HNRNPF: variants seen among roughly 807,000 people sequenced by gnomAD.
HNRNPF encodes heterogeneous nuclear ribonucleoprotein F, also known as HnRNP F protein.
In HNRNPF, 2 loss-of-function variants were observed where a neutral mutation model predicts 26.0. The ratio of observed to expected loss-of-function variants is 0.08; its 90% CI spans 0.03 to 0.24. The LOEUF (loss-of-function observed/expected upper bound fraction) is 0.24. Ranked by LOEUF, HNRNPF falls within the 10% of genes least tolerant of loss-of-function variation. HNRNPF has a pLI of 1.00. For missense variants in HNRNPF, 299 were observed against 539.2 expected (o/e 0.55, Z 4.41); for synonymous variants, 234 against 211.5 (o/e 1.11, Z -0.92).
At chr10:43,398,891 A>T (rs7084706) in intron 1 of HNRNPF, among the ~76,000 whole-genome samples, 28,814 of 152,178 alleles carry the variant, frequency 0.19, 2,968 homozygotes, top group African/African-American at 0.22. Flanking sequence ...ATTACAGGGA[A>T]CAGTAACATA....
intron 3 of HNRNPF, among the ~76,000 whole-genome samples, chr10:43,389,040 G>A (rs1206479518): frequency 2.7e-5 from 4 of 147,022 alleles, no homozygotes; most frequent in Non-Finnish European, 3.0e-5. Flanking sequence ...GTGCTGTCTC[G>A]GCTCACTGCA....
intron 3 of HNRNPF, among the ~76,000 whole-genome samples, chr10:43,388,994 CAA>C (rs1681608105): frequency 8.3e-6 from 1 of 120,400 alleles, no homozygotes; most frequent in African/African-American, 3.3e-5. Flanking sequence ...TTTTTTGAGA[CAA>C]GAGTCTCACT....
At chr10:43,399,005 T>C (rs1318191656) in intron 1 of HNRNPF, among the ~76,000 whole-genome samples, 1 of 152,238 alleles carries the variant, frequency 6.6e-6, no homozygotes, top group Non-Finnish European at 1.5e-5. Context: ...ATTATGGTTA[T>C]GTTATAAAAT....
At chr10:43,388,432 T>C (rs1838116072) in intron 3 of HNRNPF, among the ~76,000 whole-genome samples, 1 of 152,232 alleles carries the variant, frequency 6.6e-6, no homozygotes, top group Admixed American at 6.5e-5. Context: ...TTTCTAGTGT[T>C]CTCATCAGCA....
chr10:43,400,797 C>T (rs1838728745), intron 1 of HNRNPF, among the ~76,000 whole-genome samples: 1 of 152,172 alleles, frequency 6.6e-6, no homozygotes, highest in African/African-American at 2.4e-5. Flanking sequence ...ATCCTAAAAG[C>T]TATTAAGGAC....
chr10:43,389,694 T>C (rs1316043531), intron 3 of HNRNPF, among the ~76,000 whole-genome samples: 1 of 152,218 alleles, frequency 6.6e-6, no homozygotes, highest in South Asian at 2.1e-4. Flanking sequence ...CAGAACAGTA[T>C]GTGATATCCT....
chr10:43,408,979 C>T (rs1465271932), intron 1 of HNRNPF, 152 bp downstream of exon 1: 1 of 152,378 alleles, frequency 6.6e-6, no homozygotes, highest in Admixed American at 6.5e-5. Flanking sequence ...CGGAAGCCCT[C>T]CTGCTCCCGG....
At chr10:43,408,140 C>T (rs1233131955) in intron 1 of HNRNPF, among the ~76,000 whole-genome samples, 1 of 152,116 alleles carries the variant, frequency 6.6e-6, no homozygotes, top group African/African-American at 2.4e-5. Context: ...CCAGGCTTGT[C>T]GGGAACTCCT....
At chr10:43,400,722 A>G (rs1838726808) in intron 1 of HNRNPF, among the ~76,000 whole-genome samples, 1 of 152,218 alleles carries the variant, frequency 6.6e-6, no homozygotes, top group African/African-American at 2.4e-5. Flanking sequence ...TCAGGGGCAC[A>G]TGTATCTGAA....
intron 3 of HNRNPF, among the ~76,000 whole-genome samples, chr10:43,389,131 CG>C (rs1564393782): frequency 6.6e-6 from 1 of 151,898 alleles, no homozygotes; most frequent in Admixed American, 6.6e-5. Context: ...CCGCCACGCA[CG>C]GCTAATTTTT....
At position 43,387,709 on chromosome 10, in the gene HNRNPF, A is replaced by G; in HGVS notation, c.176T>C (p.Val59Ala). 1 of 1,614,068 alleles carries G rather than the reference A, an allele frequency of 6.2e-7. No individual in the cohort carries two copies. The highest frequency in any genetic ancestry group is 8.5e-7 in the Non-Finnish European group (1 of 1,180,008). Residue 59 changes from valine to alanine, a missense_variant, in exon 4 of 4, where the codon GTT becomes GCT. By Grantham distance (64) the Val-to-Ala change is moderately conservative (BLOSUM62 0). Around this residue, in one of 6 missense-constraint regions of HNRNPF, gnomAD observed 104 missense variants for 239.0 expected, o/e 0.44. Transcript: ENST00000682386. This position sits in a 1 kb window ranked among gnomAD's most constrained non-coding sequence, Gnocchi z 6.0. ...TACATCATCTTCTGATCCAAGTTCA[A>G]CAAAAGCCTCACCACTCTGCCTGCC... is the stretch of plus-strand genomic sequence containing the variant. ...REGRQSGEAF[V>A]ELGSEDDVKM... is the part of the protein sequence containing the mutation.
intron 1 of HNRNPF, chr10:43,396,836 G>A (rs1043675857): frequency 6.7e-6 from 1 of 150,360 alleles, no homozygotes; most frequent in Non-Finnish European, 1.5e-5. Context: ...GCGGCGCAGC[G>A]GGGAGAGTGG....
chr10:43,395,230 G>A (rs955789629), intron 2 of HNRNPF, among the ~76,000 whole-genome samples: 20 of 152,188 alleles, frequency 1.3e-4, no homozygotes, highest in Admixed American at 5.9e-4. Context: ...GCATGGGCAA[G>A]GAGCAAGGGT....
chr10:43,406,644 A>G (rs1465739131), intron 1 of HNRNPF, among the ~76,000 whole-genome samples: 2 of 151,560 alleles, frequency 1.3e-5, no homozygotes, highest in Admixed American at 6.6e-5. Flanking sequence ...GCGAGCCGAG[A>G]TCACACCATT....
chr10:43,400,145 C>A (rs761408512), intron 1 of HNRNPF, among the ~76,000 whole-genome samples: 62 of 151,860 alleles, frequency 4.1e-4, no homozygotes, highest in African/African-American at 1.4e-3. Flanking sequence ...CAAGAGAGTT[C>A]GAGACCAGCC....
In HNRNPF at chr10:43,386,413, A is replaced by G; in HGVS notation, c.*224T>C. On this transcript the variant is annotated 3_prime_UTR_variant, in exon 4 of 4. Coordinates refer to ENST00000682386, the MANE Select transcript of HNRNPF (RefSeq NM_001098204.2). Reference sequence around the variant, plus strand: ...ACATCACTCTGAAGTATACTACCAAAATGTTAATTGAGAAAAGCTGAAAAT... The same window carrying G: ...ACATCACTCTGAAGTATACTACCAAGATGTTAATTGAGAAAAGCTGAAAAT... The G allele has an allele frequency of 2.0e-6, 1 of 488,934 alleles. No homozygotes were observed. The allele number at this position is 488,934 out of a possible 1,614,324, so 30.3% of individuals were successfully genotyped here. A position where few individuals can be genotyped will look rare whatever the true frequency, so the allele number is the denominator to read the frequency against.
intron 3 of HNRNPF, among the ~76,000 whole-genome samples, chr10:43,392,579 T>C (rs1266457039): frequency 2.0e-5 from 3 of 152,144 alleles, no homozygotes; most frequent in Non-Finnish European, 2.9e-5. Flanking sequence ...ACTATACAGA[T>C]CTCCATGGCA....
In HNRNPF at chr10:43,387,548, C is replaced by A; in HGVS notation, c.337G>T (p.Val113Leu). 6.2e-7 allele frequency: 1 copy of A among 1,614,198 alleles called. No individual in the cohort carries two copies. The highest frequency in any genetic ancestry group is 8.5e-7 in the Non-Finnish European group (1 of 1,180,038). The change falls in exon 4 of 4, where the codon GTG (valine) becomes TTG (leucine). Residue 113 changes from valine (V) to leucine (L), a missense_variant. Val to Leu is a conservative substitution (Grantham distance 32). Around this residue, in one of 6 missense-constraint regions of HNRNPF, gnomAD observed 104 missense variants for 239.0 expected, o/e 0.44. Transcript: ENST00000682386. This position sits in a 1 kb window ranked among gnomAD's most constrained non-coding sequence, Gnocchi z 6.0. The part of the protein sequence containing the change: ...NSADSANDGF[V>L]RLRGLPFGCT... ...CCAAATGGGAGTCCTCGAAGCCGCA[C>A]GAAGCCATCGTTGGCGCTGTCGGCA... is the stretch of plus-strand genomic sequence containing the variant.
At chr10:43,394,448 C>G (rs1406260996) in intron 3 of HNRNPF, among the ~76,000 whole-genome samples, 182 bp downstream of exon 3, 1 of 152,122 alleles carries the variant, frequency 6.6e-6, no homozygotes, top group Non-Finnish European at 1.5e-5. Flanking sequence ...TTTTCTGTTC[C>G]ATTTCTCAGA....
Sources: gnomAD v4.1 joint callset for allele counts (sites outside exome capture counted in the v4.1 genomes callset) on GRCh38, gnomAD v4.1.1 for gene constraint, gnomAD v4.1.1 regional missense constraint, Gnocchi (gnomAD v3.1) non-coding constraint, MANE v1.5 for transcripts, NCBI Gene and HGNC (gene_info 2026-07-23, HGNC 2026-07-21) for gene names.